The following DPP10 variants were observed in gnomAD, a reference collection of about 807,000 sequenced individuals.
DPP10 encodes inactive dipeptidyl peptidase 10.
A neutral mutation model predicts 120.9 loss-of-function variants in DPP10; 33 were observed. The observed-to-expected ratio is 0.27, with a 90% CI of 0.21 to 0.37. DPP10 has a LOEUF of 0.37. DPP10 is among the 10% of genes least tolerant of loss of function. DPP10 has a pLI of 1.00. For synonymous variants in DPP10, 337 were observed against 326.1 expected (o/e 1.03, Z -0.36); for missense variants, 816 against 942.8 (o/e 0.87, Z 1.76).
chr2:115,409,801 A>T (rs2068804670), intron 3 of DPP10, among the ~76,000 whole-genome samples: 1 of 152,238 alleles, frequency 6.6e-6, no homozygotes, highest in African/African-American at 2.4e-5. Context: ...GAAATGTGGT[A>T]TGTGTATATA....
intron 1 of DPP10, among the ~76,000 whole-genome samples, chr2:114,718,815 G>A (rs187214421): frequency 1.2e-4 from 18 of 152,262 alleles, no homozygotes; most frequent in Admixed American, 8.5e-4. Context: ...AATTCAACTC[G>A]TCTTATTTTA....
At chr2:114,952,593 T>C (rs1558915660) in intron 1 of DPP10, among the ~76,000 whole-genome samples, 1 of 152,038 alleles carries the variant, frequency 6.6e-6, no homozygotes, top group Admixed American at 6.6e-5. Context: ...CTATGCCAAA[T>C]AGAAAAATCT....
intron 1 of DPP10, among the ~76,000 whole-genome samples, chr2:115,268,919 G>GA (rs1559341001): frequency 6.8e-5 from 4 of 58,676 alleles, no homozygotes; most frequent in Non-Finnish European, 1.8e-4. Context: ...GGAGGCCGAG[G>GA]CGGCGGATCA....
At chr2:115,048,513 T>G (rs981139149) in intron 1 of DPP10, among the ~76,000 whole-genome samples, 1 of 152,090 alleles carries the variant, frequency 6.6e-6, no homozygotes, top group African/African-American at 2.4e-5. Context: ...GCTAATTTCC[T>G]GCTTAAAATC....
chr2:115,116,760 T>A (rs1000141127), intron 1 of DPP10, among the ~76,000 whole-genome samples: 6 of 152,200 alleles, frequency 3.9e-5, no homozygotes, highest in Non-Finnish European at 8.8e-5. Context: ...ATCTTATTGG[T>A]ATATTTTCTA....
At chr2:114,989,025 A>C (rs544837642) in intron 1 of DPP10, among the ~76,000 whole-genome samples, 12 of 152,354 alleles carry the variant, frequency 7.9e-5, no homozygotes, top group African/African-American at 2.9e-4. Context: ...AGTGGTACAA[A>C]CAACCATATA....
chr2:115,331,046 TC>T (rs2062697535), intron 2 of DPP10, among the ~76,000 whole-genome samples: 1 of 152,210 alleles, frequency 6.6e-6, no homozygotes, highest in Non-Finnish European at 1.5e-5. Flanking sequence ...TATTGATTCT[TC>T]CTATCCATGG....
At chr2:115,199,670 C>T (rs1489744176) in intron 1 of DPP10, among the ~76,000 whole-genome samples, 1 of 151,756 alleles carries the variant, frequency 6.6e-6, no homozygotes, top group Non-Finnish European at 1.5e-5. Flanking sequence ...AGTTACATTA[C>T]TTTTTCTTTT....
intron 1 of DPP10, among the ~76,000 whole-genome samples, chr2:114,497,678 ACAAT>A (rs1682799520): frequency 6.6e-6 from 1 of 152,184 alleles, no homozygotes. Flanking sequence ...GAAAATGAAA[ACAAT>A]CAGACTCAGA....
intron 3 of DPP10, among the ~76,000 whole-genome samples, chr2:115,436,159 A>G (rs1390900683): frequency 6.6e-6 from 1 of 151,880 alleles, no homozygotes; most frequent in African/African-American, 2.4e-5. Flanking sequence ...ATGCAAAATA[A>G]TGTATTGGGT....
chr2:114,619,029 C>T (rs965100100), intron 1 of DPP10, among the ~76,000 whole-genome samples: 1 of 151,872 alleles, frequency 6.6e-6, no homozygotes, highest in Admixed American at 6.6e-5. Context: ...AGCAATGGAC[C>T]ACACATGGGA....
At chr2:115,767,574 G>T (rs1354529582) in intron 12 of DPP10, among the ~76,000 whole-genome samples, 2 of 150,614 alleles carry the variant, frequency 1.3e-5, no homozygotes, top group East Asian at 1.9e-4. Context: ...TAAATATATA[G>T]TGTGTGTGTG....
chr2:115,614,114 AT>A (rs2084313209), intron 5 of DPP10, among the ~76,000 whole-genome samples: 1 of 152,198 alleles, frequency 6.6e-6, no homozygotes, highest in African/African-American at 2.4e-5. Context: ...GTAAGAGACA[AT>A]GGGATAGGAG....
At chr2:115,248,001 C>G (rs2058606767) in intron 1 of DPP10, among the ~76,000 whole-genome samples, 1 of 152,052 alleles carries the variant, frequency 6.6e-6, no homozygotes, top group Non-Finnish European at 1.5e-5. Flanking sequence ...TGCTAGTTTT[C>G]TTCTTTCCAG....
At chr2:115,511,790 C>T (rs1460220603) in intron 4 of DPP10, among the ~76,000 whole-genome samples, 2 of 139,090 alleles carry the variant, frequency 1.4e-5, no homozygotes, top group African/African-American at 5.4e-5. Flanking sequence ...TGTAGTGGTA[C>T]AATCATATCT....
intron 1 of DPP10, among the ~76,000 whole-genome samples, chr2:114,538,485 C>T (rs1686695109): frequency 6.6e-6 from 1 of 152,106 alleles, no homozygotes; most frequent in African/African-American, 2.4e-5. Flanking sequence ...AATAAAAAAG[C>T]CAATAGGACT....
Position 114,548,580 on chromosome 2 carries a change from T to C in DPP10, c.60+105742T>C, listed in dbSNP as rs866188887. Among the ~76,000 whole-genome samples, 44 of 152,336 alleles carry C rather than the reference T, an allele frequency of 2.9e-4. No homozygotes were observed. In the Middle Eastern group the frequency reaches 0.02, roughly 71 times the overall value. On this transcript the variant is annotated intron_variant, in intron 1 of 25. Coordinates refer to ENST00000410059, the MANE Select transcript of DPP10 (RefSeq NM_020868.6). Reference sequence around the variant, plus strand: ...CAGCTTTTATGAGCGAGTCTTTTCCTGGGCCAAGCATGGAAATCTAGGTTG... The same window carrying C: ...CAGCTTTTATGAGCGAGTCTTTTCCCGGGCCAAGCATGGAAATCTAGGTTG...
At chr2:115,488,880 T>TAAAAA (rs35020299) in intron 3 of DPP10, among the ~76,000 whole-genome samples, 188 of 125,712 alleles carry the variant, frequency 1.5e-3, no homozygotes, top group Middle Eastern at 4.6e-3. Flanking sequence ...TAGAGTATAA[T>TAAAAA]AAAAAAAAAA....
At chr2:115,829,593 A>G (rs1688717951) in intron 21 of DPP10, among the ~76,000 whole-genome samples, 1 of 152,196 alleles carries the variant, frequency 6.6e-6, no homozygotes, top group Admixed American at 6.5e-5. Context: ...TTTAAGAAGA[A>G]TTAAAATAGT....
Sources: gnomAD v4.1 joint callset for allele counts (sites outside exome capture counted in the v4.1 genomes callset) on GRCh38, gnomAD v4.1.1 for gene constraint, MANE v1.5 for transcripts, NCBI Gene and HGNC (gene_info 2026-07-23, HGNC 2026-07-21) for gene names.